Variants in DIS3L2 observed in about 807,000 individuals in gnomAD.
DIS3L2 encodes the protein DIS3 like 3'-5' exoribonuclease 2, also known as DIS3-like exonuclease 2.
Under a neutral mutation model 97.5 loss-of-function variants are expected in DIS3L2, and 34 were observed. That is an observed-to-expected ratio of 0.35 (90% CI 0.27 to 0.46). The LOEUF (loss-of-function observed/expected upper bound fraction) is 0.46. DIS3L2 is among the 20% of genes least tolerant of loss of function. The pLI, the probability that DIS3L2 is intolerant of heterozygous loss-of-function variation, is 1.00. For synonymous variants in DIS3L2, 435 were observed against 445.2 expected (o/e 0.98, Z 0.29); for missense variants, 1,038 against 1,146.0 (o/e 0.91, Z 1.36).
chr2:232,208,294 C>G (rs572406415), intron 9 of DIS3L2, among the ~76,000 whole-genome samples: 2 of 151,966 alleles, frequency 1.3e-5, no homozygotes, highest in East Asian at 3.9e-4. Flanking sequence ...TTCTTATCCC[C>G]TCTCCTCCCC....
chr2:231,972,432 C>T (rs924703354), intron 1 of DIS3L2, among the ~76,000 whole-genome samples: 73 of 152,182 alleles, frequency 4.8e-4, no homozygotes, highest in Non-Finnish European at 1.3e-4. Context: ...TGTACTGTCA[C>T]CAGGTGTTAG....
chr2:232,141,064 TG>T (rs1049595197), intron 8 of DIS3L2, among the ~76,000 whole-genome samples: 3 of 152,204 alleles, frequency 2.0e-5, no homozygotes, highest in African/African-American at 7.2e-5. Context: ...TTCGCTGGAA[TG>T]ATCTGCAATT....
At chr2:232,321,363 C>T (rs748692698) in intron 14 of DIS3L2, among the ~76,000 whole-genome samples, 1 of 152,172 alleles carries the variant, frequency 6.6e-6, no homozygotes, top group African/African-American at 2.4e-5. Flanking sequence ...TGCCCAGCTC[C>T]GAGCTCAGCA....
intron 5 of DIS3L2, among the ~76,000 whole-genome samples, chr2:232,061,182 A>G (rs1298975317): frequency 6.6e-6 from 1 of 152,202 alleles, no homozygotes; most frequent in African/African-American, 2.4e-5. Flanking sequence ...TTCCCGAGCA[A>G]CTTATTTAAG....
downstream of DIS3L2, among the ~76,000 whole-genome samples, chr2:232,339,060 C>T (rs1696052809): frequency 6.6e-6 from 1 of 152,218 alleles, no homozygotes; most frequent in Non-Finnish European, 1.5e-5. Context: ...TGCTGGCCCC[C>T]TGGACCTAGG....
intron 6 of DIS3L2, among the ~76,000 whole-genome samples, chr2:232,113,714 G>A (rs575849067): frequency 6.6e-6 from 1 of 152,324 alleles, no homozygotes; most frequent in East Asian, 1.9e-4. Flanking sequence ...AGCTATCCTT[G>A]TTCATTCCTG....
intron 1 of DIS3L2, among the ~76,000 whole-genome samples, chr2:231,975,390 A>G (rs1419848188): frequency 1.3e-5 from 2 of 152,000 alleles, no homozygotes; most frequent in African/African-American, 2.4e-5. Flanking sequence ...GGGGTTGCTC[A>G]ACTGAGAGGT....
chr2:232,326,032 C>T (rs1319962537), intron 14 of DIS3L2, among the ~76,000 whole-genome samples: 1 of 152,174 alleles, frequency 6.6e-6, no homozygotes, highest in African/African-American at 2.4e-5. Context: ...GGAGGTTTGG[C>T]TGCCTAGGCT....
At chr2:232,062,120 G>A (rs546395137) in intron 5 of DIS3L2, among the ~76,000 whole-genome samples, 34 of 152,270 alleles carry the variant, frequency 2.2e-4, no homozygotes, top group South Asian at 1.7e-3. Flanking sequence ...CCGCTATGCC[G>A]AGATGAAGGA....
chr2:232,196,161 G>GGTGCAGTC (rs1230656087), intron 9 of DIS3L2, among the ~76,000 whole-genome samples: 1 of 151,992 alleles, frequency 6.6e-6, no homozygotes, highest in African/African-American at 2.4e-5. Flanking sequence ...GGAGTGCAGT[G>GGTGCAGTC]GTGCAGTCAT....
chr2:231,979,211 A>G (rs1693180007), intron 1 of DIS3L2, among the ~76,000 whole-genome samples: 1 of 151,968 alleles, frequency 6.6e-6, no homozygotes, highest in Non-Finnish European at 1.5e-5. Context: ...AACATTTAGC[A>G]CTTTAAGCCA....
rs1693912540 is a variant in DIS3L2, at chr2:232,268,811, C to T, written c.1659+5371C>T. Among the ~76,000 whole-genome samples the T allele has an allele frequency of 6.6e-6, 1 of 152,232 alleles. No homozygotes were observed. The highest frequency in any genetic ancestry group is 1.5e-5 in the Non-Finnish European group (1 of 68,044). Reference sequence around the variant, plus strand: ...GTGAGCTTTTAGCAGCTCATCATCACTTCACAGGGAAGCCAGGCTGGGTAA... The same window carrying T: ...GTGAGCTTTTAGCAGCTCATCATCATTTCACAGGGAAGCCAGGCTGGGTAA... On this transcript the variant is annotated intron_variant, in intron 13 of 20. Transcript: ENST00000325385. The surrounding 1 kb of genome is among the most constrained non-coding windows in gnomAD (Gnocchi z 4.1).
chr2:232,229,119 T>A (rs1056288513), intron 10 of DIS3L2, among the ~76,000 whole-genome samples: 1 of 152,218 alleles, frequency 6.6e-6, no homozygotes, highest in Admixed American at 6.5e-5. Flanking sequence ...TTTGAGCTAG[T>A]TTTACTTAAC....
At chr2:232,315,308 G>A (rs930848225) in intron 14 of DIS3L2, among the ~76,000 whole-genome samples, 5 of 152,336 alleles carry the variant, frequency 3.3e-5, no homozygotes, top group African/African-American at 1.2e-4. Context: ...CTCCGGTACT[G>A]AAAGCCCAGA....
chr2:232,136,489 G>GA lies in DIS3L2; in HGVS notation c.726dup (p.His243ThrfsTer14). On this transcript the variant is annotated frameshift_variant, in exon 8 of 21. Transcript: ENST00000325385. LOFTEE classifies it high-confidence loss of function. ...GTTTTTAGGTGGTTTACATCTTGGA[G>GA]AAAAAACATTCTCGAGCAGCAACCG... 6.2e-7 allele frequency: 1 copy of GA among 1,613,944 alleles called. No homozygotes were observed. The highest frequency in any genetic ancestry group is 8.5e-7 in the Non-Finnish European group (1 of 1,179,886).
At chr2:231,997,497 A>G (rs947746457) in intron 1 of DIS3L2, among the ~76,000 whole-genome samples, 4 of 152,246 alleles carry the variant, frequency 2.6e-5, no homozygotes, top group Non-Finnish European at 2.9e-5. Context: ...TGTAGTCCAC[A>G]TAGCCTTTAA....
At chr2:232,210,185 A>G (rs930981709) in intron 9 of DIS3L2, 141 bp from the exon 10 acceptor site, 4 of 597,492 alleles carry the variant, frequency 6.7e-6, no homozygotes, top group Non-Finnish European at 9.2e-6. Context: ...TTAACTAAAG[A>G]TCTCATTCTC....
At chr2:232,247,935 G>T (rs1397252538) in intron 11 of DIS3L2, among the ~76,000 whole-genome samples, 2 of 152,312 alleles carry the variant, frequency 1.3e-5, no homozygotes, top group East Asian at 3.9e-4. Flanking sequence ...GTCTGTAAAA[G>T]CTGTTAGCGA....
intron 12 of DIS3L2, among the ~76,000 whole-genome samples, chr2:232,257,406 T>C (rs964498497): frequency 6.6e-6 from 1 of 152,210 alleles, no homozygotes; most frequent in African/African-American, 2.4e-5. Context: ...ACTTGCTTCT[T>C]GGCACCTTTG....
Sources: allele counts gnomAD v4.1 joint callset (sites outside exome capture counted in the v4.1 genomes callset), GRCh38; gene constraint gnomAD v4.1.1; non-coding constraint Gnocchi (gnomAD v3.1); transcripts MANE v1.5; gene names NCBI Gene and HGNC (gene_info 2026-07-23, HGNC 2026-07-21).